TMTC1: variants seen among roughly 807,000 people sequenced by gnomAD.
TMTC1 encodes transmembrane O-mannosyltransferase targeting cadherins 1, also known as protein O-mannosyl-transferase TMTC1.
Under a neutral mutation model 104.8 loss-of-function variants are expected in TMTC1, and 73 were observed. The observed-to-expected ratio is 0.70, with a 90% confidence interval of 0.58 to 0.85. The LOEUF is 0.85. TMTC1 is among the 40% of genes least tolerant of loss of function. The probability of loss-of-function intolerance (pLI) is 0.00; values close to 1 mark genes in which losing one functional copy is unlikely to be tolerated. For missense variants in TMTC1, 1,035 were observed against 1,096.1 expected, an observed-to-expected ratio of 0.94 and a Z score of 0.79; for synonymous variants, 434 against 428.7, an observed-to-expected ratio of 1.01 and a Z score of -0.15.
intron 7 of TMTC1, among the ~76,000 whole-genome samples, chr12:29,597,238 C>T (rs866448684): frequency 0.063 from 8,322 of 132,182 alleles, 907 homozygotes; most frequent in African/African-American, 0.22. Context: ...TCTTTCTTTT[C>T]TTTCTTTTTT....
chr12:29,758,045 T>A (rs1300274929), intron 3 of TMTC1, among the ~76,000 whole-genome samples: 1 of 152,178 alleles, frequency 6.6e-6, no homozygotes, highest in Non-Finnish European at 1.5e-5. Flanking sequence ...TCACAGGACA[T>A]GCTCTGAGCT....
intron 7 of TMTC1, 23 bp from the exon 8 acceptor site, chr12:29,583,597 C>A: frequency 6.2e-7 from 1 of 1,604,084 alleles, no homozygotes; most frequent in Non-Finnish European, 8.5e-7. Context: ...GTGGAAGGAA[C>A]GGGATTACTT....
Position 29,639,643 on chromosome 12 carries a change from A to G in TMTC1, c.939-6307T>C, listed in dbSNP as rs558152545. Among the ~76,000 whole-genome samples the G allele has an allele frequency of 2.0e-5, 3 of 152,336 alleles. No homozygotes were observed. In the South Asian group the frequency reaches 6.2e-4, roughly 32 times the overall value. On this transcript the variant is annotated intron_variant, in intron 5 of 17. Transcript: ENST00000539277. Reference sequence around the variant, plus strand: ...CTCCTAAGCAATTCCACCCAACAGCATTGGACACAAGTGTTTACCAAAAGA... The same window carrying G: ...CTCCTAAGCAATTCCACCCAACAGCGTTGGACACAAGTGTTTACCAAAAGA...
rs946797017 is a variant in TMTC1 at position 29,684,380 on chromosome 12, A to G, written c.939-51044T>C. On this transcript the variant is annotated intron_variant, in intron 5 of 17. Transcript: ENST00000539277. The stretch of plus-strand genomic sequence containing the variant: ...TAAATAATTTCAGAAAAATTTTCTC[A>G]TAGAGGAAATATATTTAGTTTATCT... Among the ~76,000 whole-genome samples, 4 of 152,306 alleles carry G rather than the reference A, an allele frequency of 2.6e-5. No homozygotes were observed. In the South Asian group the frequency reaches 8.3e-4, roughly 32 times the overall value.
chr12:29,722,920 CAAA>C (rs60730102), intron 5 of TMTC1, among the ~76,000 whole-genome samples: 1 of 104,468 alleles, frequency 9.6e-6, no homozygotes. Flanking sequence ...GACTCTGTCT[CAAA>C]AAAAAAAAAA....
At chr12:29,674,501 T>G (rs1314212136) in intron 5 of TMTC1, among the ~76,000 whole-genome samples, 1 of 152,078 alleles carries the variant, frequency 6.6e-6, no homozygotes, top group East Asian at 1.9e-4. Context: ...TTCTGTCAGC[T>G]CCCTCCTTCC....
At chr12:29,726,308 T>G (rs1942389046) in intron 5 of TMTC1, among the ~76,000 whole-genome samples, 1 of 152,214 alleles carries the variant, frequency 6.6e-6, no homozygotes, top group Non-Finnish European at 1.5e-5. Context: ...ATTTGATATC[T>G]TTCTTTACTC....
At chr12:29,711,996 G>C (rs1941940689) in intron 5 of TMTC1, among the ~76,000 whole-genome samples, 2 of 97,940 alleles carry the variant, frequency 2.0e-5, no homozygotes, top group Non-Finnish European at 3.6e-5. Flanking sequence ...GACAGAGCAA[G>C]ACTCCATCTC....
intron 5 of TMTC1, among the ~76,000 whole-genome samples, chr12:29,711,693 A>G (rs1479500906): frequency 2.0e-5 from 3 of 152,068 alleles, no homozygotes; most frequent in African/African-American, 7.2e-5. Flanking sequence ...ATTGGCAAAG[A>G]GCTCTGAGAG....
intron 6 of TMTC1, among the ~76,000 whole-genome samples, chr12:29,618,607 C>G (rs1186228578): frequency 1.3e-5 from 2 of 151,478 alleles, no homozygotes; most frequent in African/African-American, 4.9e-5. Context: ...TATTTATCAC[C>G]CTTGCACTCC....
At chr12:29,518,758 T>C (rs951895384) in intron 12 of TMTC1, 151 bp from the exon 13 acceptor site, 3 of 989,518 alleles carry the variant, frequency 3.0e-6, no homozygotes, top group Non-Finnish European at 2.8e-6. Flanking sequence ...CATTTCAGCT[T>C]CTCATCCTGG....
chr12:29,745,375 C>A (rs142163649), intron 5 of TMTC1, among the ~76,000 whole-genome samples: 1 of 152,038 alleles, frequency 6.6e-6, no homozygotes, highest in Non-Finnish European at 1.5e-5. Flanking sequence ...TTAATTCCAG[C>A]ACTTTGGGAG....
In TMTC1 at chr12:29,745,618, C is replaced by CAAAAAAAAAAAA. The variant is rs71444341; in HGVS notation, c.938+6036_938+6047dup. ...CCTGAGCAACAGAGCGAGACTCAAT[C>CAAAAAAAAAAAA]AAAAAAAAAAAAAAAAAAAAAGAAA... On this transcript the variant is annotated intron_variant, in intron 5 of 17. Transcript: ENST00000539277. 9.8e-4 allele frequency among the ~76,000 whole-genome samples: 83 copies of CAAAAAAAAAAAA among 84,378 alleles called. 3 individuals carry two copies. Among genetic ancestry groups the CAAAAAAAAAAAA allele is most frequent in the East Asian group, 1.5e-3 (4 of 2,734 alleles). 55.4% of individuals were successfully genotyped at this position (84,378 alleles called of 152,430 possible). A position where few individuals can be genotyped will look rare whatever the true frequency, so the allele number is the denominator to read the frequency against.
chr12:29,520,816 A>G (rs959043405), intron 11 of TMTC1, 96 bp from the exon 12 acceptor site: 2 of 955,022 alleles, frequency 2.1e-6, no homozygotes, highest in African/African-American at 3.3e-5. Flanking sequence ...AAAAAAATAA[A>G]TCTTACTAAG....
At position 29,738,154 on chromosome 12, in the gene TMTC1, A is replaced by G. The variant is rs60465125; in HGVS notation, c.938+13512T>C. ...AATTATTACTAATTATTCTTATTTT[A>G]TAGACCTGGAAATCAGTTAATTCAA... is the stretch of plus-strand genomic sequence containing the variant. On this transcript the variant is annotated intron_variant, in intron 5 of 17. Transcript: ENST00000539277. 0.016 allele frequency among the ~76,000 whole-genome samples: 2,443 copies of G among 152,256 alleles called. 199 individuals are homozygous for G. The East Asian group carries it at 0.26, about 16-fold the overall frequency.
intron 8 of TMTC1, among the ~76,000 whole-genome samples, chr12:29,574,223 A>G (rs765841028): frequency 6.6e-6 from 1 of 151,704 alleles, no homozygotes; most frequent in Non-Finnish European, 1.5e-5. Flanking sequence ...TCACTTATAG[A>G]TTTCCTTCTT....
intron 5 of TMTC1, among the ~76,000 whole-genome samples, chr12:29,730,116 A>G (rs892094927): frequency 3.9e-5 from 6 of 152,206 alleles, no homozygotes; most frequent in Non-Finnish European, 5.9e-5. Context: ...AGCAGCATAT[A>G]GATGTGGATC....
rs1400539734 is a variant in TMTC1, at chr12:29,572,191, A to G, written c.1446T>C (p.Asn482=). The stretch of plus-strand genomic sequence containing the variant: ...TGGCATAGTTGTAGTGAACCTTGGC[A>G]TTGTGGGGCAGAGTTTGAACTCCAG... The part of the protein sequence containing the change: ...FRSGVQTLPH[N]AKVHYNYANF... Residue 482 remains asparagine (N), a synonymous_variant, in exon 9 of 18, where the codon AAT becomes AAC. Coordinates refer to ENST00000539277, the MANE Select transcript of TMTC1 (RefSeq NM_001193451.2). 1.2e-6 allele frequency: 2 copies of G among 1,613,964 alleles called. No individual in the cohort carries two copies. Among genetic ancestry groups the G allele is most frequent in the Admixed American group, 3.3e-5 (2 of 60,022 alleles).
chr12:29,607,232 T>C (rs1297204271), intron 6 of TMTC1, among the ~76,000 whole-genome samples: 1 of 152,248 alleles, frequency 6.6e-6, no homozygotes, highest in Non-Finnish European at 1.5e-5. Context: ...ACTGCCTTTA[T>C]TGTCTGTCTG....
Sources: allele counts gnomAD v4.1 joint callset (sites outside exome capture counted in the v4.1 genomes callset), GRCh38; gene constraint gnomAD v4.1.1; transcripts MANE v1.5; gene names NCBI Gene and HGNC (gene_info 2026-07-23, HGNC 2026-07-21).